The following CRYBG3 variants were observed in gnomAD, a reference collection of about 807,000 sequenced individuals.
The protein encoded by CRYBG3 is crystallin beta-gamma domain containing 3.
In CRYBG3, 127 loss-of-function variants were observed where a neutral mutation model predicts 244.2. The observed-to-expected ratio is 0.52, with a 90% confidence interval of 0.45 to 0.60. The LOEUF (loss-of-function observed/expected upper bound fraction) is 0.60, where lower values mean the gene tolerates loss of function less well. CRYBG3 is among the 20% of genes least tolerant of loss of function. The pLI is 0.00. For missense variants in CRYBG3, 3,325 were observed against 3,442.5 expected (o/e 0.97, Z 0.85); for synonymous variants, 1,132 against 1,195.8 (o/e 0.95, Z 1.10).
At chr3:97,919,545 T>G (rs1354381438) in intron 17 of CRYBG3, among the ~76,000 whole-genome samples, 1 of 152,038 alleles carries the variant, frequency 6.6e-6, no homozygotes, top group Non-Finnish European at 1.5e-5. Context: ...TTCAGTAGCC[T>G]TGGTTTGGTA....
chr3:97,843,330 T>G (rs1292890046), intron 2 of CRYBG3, 69 bp downstream of exon 2: 5 of 804,350 alleles, frequency 6.2e-6, no homozygotes, highest in Non-Finnish European at 9.7e-6. Context: ...TCTTTTAGAT[T>G]CTGTCATCTT....
chr3:97,886,951 G>A (rs2039515385), intron 8 of CRYBG3, among the ~76,000 whole-genome samples, 184 bp downstream of exon 8: 1 of 152,142 alleles, frequency 6.6e-6, no homozygotes, highest in Non-Finnish European at 1.5e-5. Context: ...CACAGGAGCA[G>A]GTATAGAATT....
intron 2 of CRYBG3, among the ~76,000 whole-genome samples, chr3:97,850,231 C>T (rs1448778876): frequency 6.6e-6 from 1 of 152,150 alleles, no homozygotes; most frequent in East Asian, 1.9e-4. Flanking sequence ...CCTTCATACG[C>T]ATACCCATTG....
In CRYBG3 at chr3:97,822,124, C is replaced by T. The variant is rs142869471; in HGVS notation, c.-83C>T. On this transcript the variant is annotated 5_prime_UTR_variant, in exon 1 of 22. Transcript: ENST00000389622. ...GTCGGTCTGCCCTAGCCGCATCCCG[C>T]GGCGCCCGGTCGGGCTCCGGGCACC... 3,583 of 1,289,572 alleles carry T rather than the reference C, an allele frequency of 2.8e-3. 84 individuals are homozygous for T. In the African/African-American group the frequency reaches 0.05, roughly 18 times the overall value. The allele number at this position is 1,289,572 out of a possible 1,614,324, so 79.9% of individuals were successfully genotyped here. A position where few individuals can be genotyped will look rare whatever the true frequency, so the allele number is the denominator to read the frequency against.
At chr3:97,893,144 G>A (rs1026610950) in intron 11 of CRYBG3, 151 bp downstream of exon 11, 22 of 656,862 alleles carry the variant, frequency 3.3e-5, no homozygotes, top group East Asian at 2.9e-4. Context: ...AGTTACTTAT[G>A]GTTTTCTGTG....
intron 1 of CRYBG3, among the ~76,000 whole-genome samples, chr3:97,831,686 C>T (rs2038655608): frequency 6.6e-6 from 1 of 152,098 alleles, no homozygotes; most frequent in Admixed American, 6.6e-5. Context: ...CAGCTTAGCA[C>T]TTCACTGTTA....
At chr3:97,938,206 A>C (rs2040185834) in intron 19 of CRYBG3, among the ~76,000 whole-genome samples, 1 of 152,008 alleles carries the variant, frequency 6.6e-6, no homozygotes, top group Non-Finnish European at 1.5e-5. Flanking sequence ...CTGAGAGAAG[A>C]ATAAGGCTCC....
chr3:97,895,595 G>C (rs1285607919), intron 11 of CRYBG3, among the ~76,000 whole-genome samples: 1 of 152,068 alleles, frequency 6.6e-6, no homozygotes, highest in Non-Finnish European at 1.5e-5. Context: ...GACTATCTTT[G>C]GATCTCTATG....
At chr3:97,856,620 G>A (rs1460840784) in intron 2 of CRYBG3, among the ~76,000 whole-genome samples, 2 of 152,114 alleles carry the variant, frequency 1.3e-5, no homozygotes, top group South Asian at 2.1e-4. Flanking sequence ...GGCTTCAGCC[G>A]GTCCCTCCGT....
Position 97,874,500 on chromosome 3 carries a change from G to C in CRYBG3, c.3306G>C (p.Leu1102=), listed in dbSNP as rs1384215565. The change falls in exon 4 of 22, where the codon CTG becomes CTC. Residue 1102 remains leucine, a synonymous_variant. Transcript: ENST00000389622. ...ATGAAGGTACCTCTGTAACTAACCT[G>C]TTGTACCCTACTACCTCTTATTTGG... ...LTHEGTSVTN[L]LYPTTSYLEF... 6.5e-7 allele frequency: 1 copy of C among 1,534,786 alleles called. No individual in the cohort carries two copies. The highest frequency in any genetic ancestry group is 2.4e-5 in the East Asian group (1 of 40,916).
chr3:97,912,200 G>A lies in CRYBG3; in HGVS notation c.8038G>A (p.Glu2680Lys), dbSNP rs2039880478. 1.9e-6 allele frequency: 3 copies of A among 1,605,442 alleles called. No individual in the cohort carries two copies. In the South Asian group the frequency reaches 3.3e-5, roughly 18 times the overall value. The change falls in exon 16 of 22, where the codon GAA (glutamate) becomes AAA (lysine). Residue 2680 changes from glutamate (E) to lysine (K), a missense_variant. Transcript: ENST00000389622. ...ATTCAGCAAACCAGGGTTCCAAGGT[G>A]AATGTATAGATTTTACAGAAGAAAC... ...KAFSKPGFQGECIDFTEETSD... is the reference protein window; with the variant it reads ...KAFSKPGFQGKCIDFTEETSD...
chr3:97,898,993 T>G lies in CRYBG3; in HGVS notation c.7812T>G (p.Ser2604Arg). The change falls in exon 13 of 22, where the codon AGT becomes AGG. Residue 2604 changes from serine to arginine, a missense_variant. Transcript: ENST00000389622. Reference sequence around the variant, plus strand: ...ATTTGGAAGAAATTGGCTTTGGCAGTAAAACAAGATCCATTCATGTTAAAA... The same window carrying G: ...ATTTGGAAGAAATTGGCTTTGGCAGGAAAACAAGATCCATTCATGTTAAAA... ...ISDLEEIGFGSKTRSIHVKSG... is the reference protein window; with the variant it reads ...ISDLEEIGFGRKTRSIHVKSG... The G allele has an allele frequency of 6.2e-7, 1 of 1,612,938 alleles. No individual in the cohort carries two copies. The highest frequency in any genetic ancestry group is 8.5e-7 in the Non-Finnish European group (1 of 1,179,600).
chr3:97,921,878 A>G (rs2039988263), intron 17 of CRYBG3, among the ~76,000 whole-genome samples: 1 of 152,118 alleles, frequency 6.6e-6, no homozygotes, highest in Non-Finnish European at 1.5e-5. Context: ...TTGCTTCTCT[A>G]ATTTCCCCAC....
chr3:97,872,626 CAAACCATAGATAGCT>C lies in CRYBG3; in HGVS notation c.1433_1447del (p.Gln478_Ser483delinsPro). 1 of 1,535,902 alleles carries C rather than the reference CAAACCATAGATAGCT, an allele frequency of 6.5e-7. No individual in the cohort carries two copies. The stretch of plus-strand genomic sequence containing the variant: ...GCCAGAGAGTGAGTGTTCTGACAAG[CAAACCATAGATAGCT>C]CATCAAAGCAAGCTGCCACTCACAC... On this transcript the variant is annotated inframe_deletion, in exon 4 of 22. Coordinates refer to ENST00000389622, the MANE Select transcript of CRYBG3 (RefSeq NM_153605.4).
intron 8 of CRYBG3, among the ~76,000 whole-genome samples, chr3:97,887,360 T>C (rs2039520749): frequency 6.6e-6 from 1 of 152,186 alleles, no homozygotes; most frequent in Admixed American, 6.5e-5. Context: ...AACCCTCTGC[T>C]CCCTCACTGT....
At chr3:97,888,269 A>G in intron 8 of CRYBG3, 72 bp from the exon 9 acceptor site, 1 of 867,074 alleles carries the variant, frequency 1.2e-6, no homozygotes, top group South Asian at 1.6e-5. Flanking sequence ...TTATTTTGGT[A>G]GCCCTTTTTA....
chr3:97,839,423 T>C (rs2038781266), intron 1 of CRYBG3, among the ~76,000 whole-genome samples: 1 of 152,172 alleles, frequency 6.6e-6, no homozygotes, highest in Non-Finnish European at 1.5e-5. Flanking sequence ...TTAAATCAAC[T>C]GAAAATGACC....
intron 15 of CRYBG3, among the ~76,000 whole-genome samples, chr3:97,908,759 T>C (rs1404967680): frequency 1.1e-4 from 16 of 152,198 alleles, no homozygotes; most frequent in African/African-American, 3.9e-4. Context: ...TTAAAGTTAA[T>C]ATTGTTATGT....
intron 11 of CRYBG3, 130 bp downstream of exon 11, chr3:97,893,123 T>C (rs960986692): frequency 2.6e-5 from 20 of 760,630 alleles, no homozygotes; most frequent in Middle Eastern, 6.9e-4. Flanking sequence ...ATATGGAAAG[T>C]AAAAAATATT....
Sources: allele counts gnomAD v4.1 joint callset (sites outside exome capture counted in the v4.1 genomes callset), GRCh38; gene constraint gnomAD v4.1.1; transcripts MANE v1.5; gene names NCBI Gene and HGNC (gene_info 2026-07-23, HGNC 2026-07-21).